NTM: variants seen among roughly 807,000 people sequenced by gnomAD.
The protein encoded by NTM is IgLON family member 2.
Under a neutral mutation model 42.1 loss-of-function variants are expected in NTM, and 13 were observed. That is an observed-to-expected ratio of 0.31 (90% CI 0.20 to 0.49). NTM has a LOEUF of 0.49. NTM is among the 20% of genes least tolerant of loss of function. The probability of loss-of-function intolerance (pLI) is 0.99; values close to 1 mark genes in which losing one functional copy is unlikely to be tolerated. For missense variants in NTM, 373 were observed against 452.8 expected (o/e 0.82, Z 1.60); for synonymous variants, 187 against 179.2 (o/e 1.04, Z -0.35).
At chr11:132,292,656 A>T (rs914692037) in intron 4 of NTM, among the ~76,000 whole-genome samples, 1 of 151,870 alleles carries the variant, frequency 6.6e-6, no homozygotes, top group East Asian at 1.9e-4. Flanking sequence ...AGACATTTAG[A>T]TTCATCTAGG....
At chr11:131,641,266 T>C (rs1176323949) in intron 1 of NTM, among the ~76,000 whole-genome samples, 1 of 152,240 alleles carries the variant, frequency 6.6e-6, no homozygotes, top group Non-Finnish European at 1.5e-5. Flanking sequence ...GATATTCTGC[T>C]GCTGTGATCT....
intron 1 of NTM, among the ~76,000 whole-genome samples, chr11:131,822,861 A>G (rs897884623): frequency 2.0e-5 from 3 of 152,220 alleles, no homozygotes; most frequent in Admixed American, 6.5e-5. Flanking sequence ...TTTGAAAGCC[A>G]AACACACAGG....
chr11:131,589,855 A>C (rs1435221309), intron 1 of NTM, among the ~76,000 whole-genome samples: 1 of 152,154 alleles, frequency 6.6e-6, no homozygotes, highest in African/African-American at 2.4e-5. Flanking sequence ...ATATCAGGTA[A>C]TACAGAGTGG....
intron 1 of NTM, among the ~76,000 whole-genome samples, chr11:131,883,561 CTAGAG>C (rs1193322871): frequency 5.9e-5 from 9 of 152,170 alleles, no homozygotes; most frequent in African/African-American, 2.2e-4. Flanking sequence ...AAACTGAAGT[CTAGAG>C]AGGAGTGATT....
At chr11:131,985,414 A>G (rs2065905882) in intron 2 of NTM, among the ~76,000 whole-genome samples, 2 of 152,196 alleles carry the variant, frequency 1.3e-5, no homozygotes, top group African/African-American at 2.4e-5. Context: ...CTAGGGGCAC[A>G]TTAGTTGTTA....
intron 4 of NTM, among the ~76,000 whole-genome samples, chr11:132,257,166 C>A (rs764445994): frequency 6.6e-6 from 1 of 152,174 alleles, no homozygotes; most frequent in Non-Finnish European, 1.5e-5. Context: ...GAGAAAGCAG[C>A]GGCTTTTGTC....
intron 7 of NTM, among the ~76,000 whole-genome samples, chr11:132,315,726 C>CACACGATCTCTGCTCACCCATTA (rs1393032411): frequency 6.6e-6 from 1 of 152,174 alleles, no homozygotes; most frequent in Non-Finnish European, 1.5e-5. Context: ...ACTGCTTCAC[C>CACACGATCTCTGCTCACCCATTA]ACACGATCTC....
At chr11:132,259,928 T>C (rs997996510) in intron 4 of NTM, among the ~76,000 whole-genome samples, 1 of 151,960 alleles carries the variant, frequency 6.6e-6, no homozygotes, top group African/African-American at 2.4e-5. Flanking sequence ...TTTGTATTTT[T>C]TGTAGAGACG....
chr11:132,332,210 T>A (rs1322179124), intron 8 of NTM: 1 of 152,278 alleles, frequency 6.6e-6, no homozygotes, highest in Non-Finnish European at 1.5e-5. Context: ...TTTGAGAGAA[T>A]GCCCCTGCCT....
intron 1 of NTM, among the ~76,000 whole-genome samples, chr11:131,757,773 A>T (rs763857993): frequency 6.6e-6 from 1 of 152,216 alleles, no homozygotes; most frequent in Non-Finnish European, 1.5e-5. Flanking sequence ...AAAGTCATCT[A>T]ATTATTATAC....
chr11:131,919,008 G>C (rs1177255163), intron 2 of NTM, among the ~76,000 whole-genome samples: 1 of 152,078 alleles, frequency 6.6e-6, no homozygotes, highest in African/African-American at 2.4e-5. Flanking sequence ...ATGCAGTATT[G>C]AACCAGTCAA....
intron 1 of NTM, among the ~76,000 whole-genome samples, chr11:131,780,391 C>A (rs1174426267): frequency 6.6e-6 from 1 of 152,076 alleles, no homozygotes; most frequent in Non-Finnish European, 1.5e-5. Flanking sequence ...TAGCTGTCTG[C>A]TTGAGACTAT....
At chr11:131,499,819 G>C (rs2046508257) in intron 1 of NTM, among the ~76,000 whole-genome samples, 1 of 152,218 alleles carries the variant, frequency 6.6e-6, no homozygotes, top group Non-Finnish European at 1.5e-5. Context: ...AATGCGCTCT[G>C]CATTTACCCT....
chr11:132,202,958 T>C (rs2081376679), intron 3 of NTM, among the ~76,000 whole-genome samples: 1 of 152,226 alleles, frequency 6.6e-6, no homozygotes. Context: ...AAAAGGGTTC[T>C]GGTGAAGAGA....
intron 2 of NTM, among the ~76,000 whole-genome samples, chr11:131,935,097 T>C (rs941265615): frequency 3.9e-5 from 6 of 152,156 alleles, no homozygotes; most frequent in Non-Finnish European, 8.8e-5. Context: ...ACAGATAGGT[T>C]TGCTGGTGAA....
intron 1 of NTM, among the ~76,000 whole-genome samples, chr11:131,539,976 C>T (rs1251721010): frequency 6.6e-6 from 1 of 152,154 alleles, no homozygotes; most frequent in East Asian, 1.9e-4. Context: ...AAGTTCCAGG[C>T]AGGCGGGCAG....
At chr11:131,522,671 G>C (rs2049914934) in intron 1 of NTM, among the ~76,000 whole-genome samples, 2 of 152,212 alleles carry the variant, frequency 1.3e-5, no homozygotes, top group Admixed American at 6.5e-5. Flanking sequence ...ACCTGGGACA[G>C]AAAAGCTGCA....
intron 1 of NTM, among the ~76,000 whole-genome samples, chr11:131,489,161 A>G (rs1342750175): frequency 3.3e-5 from 5 of 152,014 alleles, no homozygotes; most frequent in African/African-American, 4.8e-5. Flanking sequence ...TTTAACTGTC[A>G]TTTTCAACTT....
Position 131,795,011 on chromosome 11 carries a change from C to T in NTM, c.83-116553C>T, listed in dbSNP as rs956841579. On this transcript the variant is annotated intron_variant, in intron 1 of 8. Coordinates refer to ENST00000683400, the MANE Select transcript of NTM (RefSeq NM_001352005.2). ...TGGGCAGGCTACAGAAGTACTCAGC[C>T]GTGCTCCTTCCTGGACCCTGTAGCC... The T allele has an allele frequency of 1.1e-5, 11 of 985,126 alleles. No individual in the cohort carries two copies. In the African/African-American group the frequency reaches 1.6e-4, roughly 14 times the overall value. 61.0% of individuals were successfully genotyped at this position (985,126 alleles called of 1,614,324 possible).
Sources: gnomAD v4.1 joint callset for allele counts (sites outside exome capture counted in the v4.1 genomes callset) on GRCh38, gnomAD v4.1.1 for gene constraint, MANE v1.5 for transcripts, NCBI Gene and HGNC (gene_info 2026-07-23, HGNC 2026-07-21) for gene names.